Variants in ATF3 observed in about 807,000 individuals in gnomAD.
The protein encoded by ATF3 is activating transcription factor 3.
In ATF3, 10 loss-of-function variants were observed where a neutral mutation model predicts 18.4. The ratio of observed to expected loss-of-function variants is 0.54; its 90% confidence interval spans 0.34 to 0.92. The LOEUF is 0.92. Among genes scored for constraint, ATF3 ranks in the 40% least tolerant of loss-of-function variants. ATF3 has a pLI of 0.02. For missense variants in ATF3, 183 were observed against 222.3 expected (o/e 0.82, Z 1.12); for synonymous variants, 78 against 87.9 (o/e 0.89, Z 0.63).
At chr1:212,581,568 T>C (rs1268114616) in intron 1 of ATF3, among the ~76,000 whole-genome samples, 1 of 152,192 alleles carries the variant, frequency 6.6e-6, no homozygotes, top group African/African-American at 2.4e-5. Context: ...CCTTAGACAC[T>C]TGCACTGCAA....
At chr1:212,601,404 G>A (rs1654481344) in intron 1 of ATF3, among the ~76,000 whole-genome samples, 1 of 152,182 alleles carries the variant, frequency 6.6e-6, no homozygotes, top group Non-Finnish European at 1.5e-5. Flanking sequence ...CAAGACTTTG[G>A]TAAAGCGAGG....
intron 1 of ATF3, among the ~76,000 whole-genome samples, chr1:212,588,595 C>T (rs1664822362): frequency 6.7e-6 from 1 of 150,120 alleles, no homozygotes; most frequent in East Asian, 1.9e-4. Context: ...AGTTTAAAAA[C>T]TCTAACAATA....
At chr1:212,571,733 A>C (rs1255334669) in intron 1 of ATF3, among the ~76,000 whole-genome samples, 1 of 93,800 alleles carries the variant, frequency 1.1e-5, no homozygotes. Context: ...TTTTTTTGAG[A>C]CGGAGTCTGG....
Position 212,619,408 on chromosome 1 carries a change from G to A in ATF3, c.399G>A (p.Glu133=), listed in dbSNP as rs1655274078. The change falls in exon 4 of 4, where the codon GAG becomes GAA. Residue 133 remains glutamate (E), a synonymous_variant. Transcript: ENST00000341491. This position sits in a 1 kb window ranked among gnomAD's most constrained non-coding sequence, Gnocchi z 4.4. ...SVNAELKAQI[E]ELKNEKQHLI... ...ATGCTGAACTGAAGGCTCAGATTGAGGAGCTCAAGAACGAGAAGCAGCATT... is the reference window on the plus strand; with the variant it reads ...ATGCTGAACTGAAGGCTCAGATTGAAGAGCTCAAGAACGAGAAGCAGCATT... The A allele has an allele frequency of 7.4e-6, 12 of 1,614,088 alleles. No homozygotes were observed. Among genetic ancestry groups the A allele is most frequent in the Non-Finnish European group, 9.3e-6 (11 of 1,180,046 alleles).
chr1:212,615,362 A>G (rs1655075596), intron 2 of ATF3, 101 bp downstream of exon 2: 2 of 1,427,764 alleles, frequency 1.4e-6, no homozygotes. Context: ...TGAGAGTGAA[A>G]CAAACAAAAC....
intron 2 of ATF3, among the ~76,000 whole-genome samples, chr1:212,617,417 A>G (rs974297782): frequency 2.6e-5 from 4 of 152,180 alleles, no homozygotes; most frequent in African/African-American, 9.7e-5. Context: ...CCTTTTCCTC[A>G]TGGTGGCAAG....
chr1:212,600,502 A>C (rs1654452177), intron 1 of ATF3, among the ~76,000 whole-genome samples: 1 of 152,238 alleles, frequency 6.6e-6, no homozygotes, highest in Non-Finnish European at 1.5e-5. Flanking sequence ...TGTGCCTGGA[A>C]CTGTGCAAAG....
chr1:212,596,934 C>T (rs1665005447), intron 1 of ATF3, among the ~76,000 whole-genome samples: 1 of 152,248 alleles, frequency 6.6e-6, no homozygotes, highest in Non-Finnish European at 1.5e-5. Flanking sequence ...CTCTTTCTGT[C>T]TTGTTCATTC....
At chr1:212,617,944 TGC>T (rs1336663010) in intron 2 of ATF3, among the ~76,000 whole-genome samples, 181 bp from the exon 3 acceptor site, 4 of 69,718 alleles carry the variant, frequency 5.7e-5, no homozygotes, top group East Asian at 2.3e-4. Context: ...TGTGTGTGTG[TGC>T]GTGTGTGTGT....
intron 1 of ATF3, among the ~76,000 whole-genome samples, chr1:212,610,140 C>G (rs985114937): frequency 6.6e-6 from 1 of 152,122 alleles, no homozygotes; most frequent in South Asian, 2.1e-4. Flanking sequence ...CTTCTCTGCT[C>G]CCCCCACTCC....
At chr1:212,615,402 G>A in intron 2 of ATF3, 141 bp downstream of exon 2, 7 of 1,079,210 alleles carry the variant, frequency 6.5e-6, no homozygotes, top group East Asian at 2.6e-5. Flanking sequence ...ACCTTCTCCT[G>A]GGAGGAGACA....
intron 1 of ATF3, among the ~76,000 whole-genome samples, chr1:212,582,103 C>T (rs1243614648): frequency 6.6e-6 from 1 of 152,180 alleles, no homozygotes; most frequent in African/African-American, 2.4e-5. Flanking sequence ...ACATCAGGCC[C>T]AGGTAAGCAT....
intron 1 of ATF3, among the ~76,000 whole-genome samples, chr1:212,579,093 C>A (rs990483088): frequency 1.3e-5 from 2 of 150,014 alleles, no homozygotes; most frequent in Non-Finnish European, 3.0e-5. Context: ...CTCACTGCAA[C>A]CTTCACCTCC....
chr1:212,591,642 T>A (rs17019414), intron 1 of ATF3, among the ~76,000 whole-genome samples: 9,609 of 152,162 alleles, frequency 0.063, 1,065 homozygotes, highest in African/African-American at 0.22. Context: ...TAGTAAGGCA[T>A]TCTGCAGTCA....
intron 1 of ATF3, among the ~76,000 whole-genome samples, chr1:212,599,071 T>A (rs1654403579): frequency 6.6e-6 from 1 of 152,246 alleles, no homozygotes; most frequent in Non-Finnish European, 1.5e-5. Flanking sequence ...TAATTTACAT[T>A]CTCACCAACA....
chr1:212,587,240 T>C (rs1390008268), intron 1 of ATF3, among the ~76,000 whole-genome samples: 3 of 152,250 alleles, frequency 2.0e-5, no homozygotes, highest in African/African-American at 4.8e-5. Flanking sequence ...TTATACATAA[T>C]TGGCGTTCAA....
At chr1:212,588,098 G>A (rs555853667) in intron 1 of ATF3, among the ~76,000 whole-genome samples, 2 of 152,112 alleles carry the variant, frequency 1.3e-5, no homozygotes, top group South Asian at 2.1e-4. Flanking sequence ...TGCTTTCCTC[G>A]GTAGCTTCTT....
At chr1:212,588,046 G>A (rs1664812392) in intron 1 of ATF3, among the ~76,000 whole-genome samples, 2 of 152,202 alleles carry the variant, frequency 1.3e-5, no homozygotes, top group South Asian at 2.1e-4. Context: ...GAGGGAGAAT[G>A]TTGAGACCAG....
chr1:212,566,361 G>A (rs1285098202), intron 1 of ATF3, among the ~76,000 whole-genome samples: 7 of 152,128 alleles, frequency 4.6e-5, no homozygotes, highest in Non-Finnish European at 2.9e-5. Context: ...GCCATTTGCT[G>A]TGCGACCTTG....
Sources: allele counts gnomAD v4.1 joint callset (sites outside exome capture counted in the v4.1 genomes callset), GRCh38; gene constraint gnomAD v4.1.1; non-coding constraint Gnocchi (gnomAD v3.1); transcripts MANE v1.5; gene names NCBI Gene and HGNC (gene_info 2026-07-23, HGNC 2026-07-21).